Variants in NALF1 observed in about 807,000 individuals in gnomAD.
NALF1 encodes the protein family with sequence similarity 155 member A.
In NALF1, 3 loss-of-function variants were observed where a neutral mutation model predicts 48.4. The ratio of observed to expected loss-of-function variants is 0.06; its 90% CI spans 0.03 to 0.16. NALF1 has a LOEUF of 0.16. NALF1 is among the 10% of genes least tolerant of loss of function. The pLI, the probability that NALF1 is intolerant of heterozygous loss-of-function variation, is 1.00. For synonymous variants in NALF1, 262 were observed against 245.7 expected, an observed-to-expected ratio of 1.07 and a Z score of -0.62; for missense variants, 526 against 571.5, an observed-to-expected ratio of 0.92 and a Z score of 0.81.
chr13:107,491,442 C>T (rs1029348231), intron 1 of NALF1, among the ~76,000 whole-genome samples: 1 of 148,544 alleles, frequency 6.7e-6, no homozygotes, highest in Admixed American at 6.7e-5. Flanking sequence ...TTGGAGAGTT[C>T]GGGCTCCACT....
At chr13:107,201,588 A>G (rs1879521933) in intron 2 of NALF1, among the ~76,000 whole-genome samples, 1 of 152,138 alleles carries the variant, frequency 6.6e-6, no homozygotes, top group Non-Finnish European at 1.5e-5. Flanking sequence ...AAAAAGGAAA[A>G]AAAGAAAGAA....
chr13:107,186,720 A>C (rs141988992), intron 2 of NALF1, among the ~76,000 whole-genome samples: 1 of 152,166 alleles, frequency 6.6e-6, no homozygotes, highest in Non-Finnish European at 1.5e-5. Flanking sequence ...TTAGCATCAC[A>C]ATCTGTATTC....
chr13:107,750,803 C>T (rs770604210), intron 1 of NALF1, among the ~76,000 whole-genome samples: 5 of 152,132 alleles, frequency 3.3e-5, no homozygotes, highest in East Asian at 1.9e-4. Context: ...AACTAATAGA[C>T]GTTAAAGTTG....
intron 1 of NALF1, among the ~76,000 whole-genome samples, chr13:107,846,949 T>C (rs1295634391): frequency 6.6e-6 from 1 of 152,224 alleles, no homozygotes; most frequent in Admixed American, 6.5e-5. Context: ...TCCAAAGATT[T>C]ATTAATTTGC....
intron 1 of NALF1, among the ~76,000 whole-genome samples, chr13:107,683,647 G>T (rs922327133): frequency 6.6e-6 from 1 of 152,128 alleles, no homozygotes; most frequent in African/African-American, 2.4e-5. Context: ...TCCTTTCTTA[G>T]CTGGAAAGTT....
At chr13:107,705,021 C>A (rs1396994096) in intron 1 of NALF1, among the ~76,000 whole-genome samples, 2 of 152,152 alleles carry the variant, frequency 1.3e-5, no homozygotes, top group African/African-American at 4.8e-5. Flanking sequence ...CTTGTCCACA[C>A]GATGTGCCAG....
At chr13:107,250,851 G>C (rs1409722600) in intron 1 of NALF1, among the ~76,000 whole-genome samples, 1 of 152,022 alleles carries the variant, frequency 6.6e-6, no homozygotes, top group Non-Finnish European at 1.5e-5. Context: ...AGTTCTCGCT[G>C]GTTGTTTGAA....
intron 2 of NALF1, among the ~76,000 whole-genome samples, chr13:107,197,843 T>C (rs1879426072): frequency 6.6e-6 from 1 of 152,218 alleles, no homozygotes; most frequent in Non-Finnish European, 1.5e-5. Context: ...TAAAATGTTA[T>C]TCATCCCTTT....
At chr13:107,811,546 T>C (rs578142125) in intron 1 of NALF1, among the ~76,000 whole-genome samples, 7 of 152,214 alleles carry the variant, frequency 4.6e-5, no homozygotes, top group Non-Finnish European at 2.9e-5. Flanking sequence ...ATATTATTAA[T>C]CTTTATGGCC....
intron 1 of NALF1, among the ~76,000 whole-genome samples, chr13:107,419,801 T>G (rs2139007835): frequency 6.6e-6 from 1 of 152,354 alleles, no homozygotes; most frequent in Admixed American, 6.5e-5. Flanking sequence ...ATTGATAAAC[T>G]ATTTCTCTGA....
intron 1 of NALF1, among the ~76,000 whole-genome samples, chr13:107,543,900 T>C (rs1051438864): frequency 1.3e-5 from 2 of 151,976 alleles, no homozygotes; most frequent in African/African-American, 4.8e-5. Flanking sequence ...AGAAATGAAA[T>C]GGTGGAAATA....
chr13:107,227,809 T>C (rs1880135605), intron 1 of NALF1, among the ~76,000 whole-genome samples: 1 of 152,210 alleles, frequency 6.6e-6, no homozygotes, highest in African/African-American at 2.4e-5. Flanking sequence ...TATTTGAGCT[T>C]CAGTTAGTAA....
intron 1 of NALF1, among the ~76,000 whole-genome samples, chr13:107,724,782 T>C (rs1019971542): frequency 6.6e-6 from 1 of 152,158 alleles, no homozygotes; most frequent in African/African-American, 2.4e-5. Context: ...AGTGTCACCA[T>C]GTTGCCCAGG....
intron 1 of NALF1, among the ~76,000 whole-genome samples, chr13:107,563,154 A>C (rs1877695249): frequency 6.6e-6 from 1 of 152,236 alleles, no homozygotes; most frequent in South Asian, 2.1e-4. Context: ...CAGTGAAAAA[A>C]AATGAAGGAG....
chr13:107,423,029 A>G (rs908702385), intron 1 of NALF1, among the ~76,000 whole-genome samples: 5 of 152,216 alleles, frequency 3.3e-5, no homozygotes, highest in African/African-American at 1.2e-4. Flanking sequence ...TCTGGCCTCT[A>G]GAACTGTAAG....
chr13:107,714,627 A>T (rs76022221), intron 1 of NALF1, among the ~76,000 whole-genome samples: 9 of 8,604 alleles, frequency 1.0e-3, no homozygotes, highest in African/African-American at 1.9e-3. Context: ...AGGCTTTATT[A>T]AAAAAAAAAA....
chr13:107,549,470 T>G (rs1877228646), intron 1 of NALF1, among the ~76,000 whole-genome samples: 1 of 152,166 alleles, frequency 6.6e-6, no homozygotes, highest in Non-Finnish European at 1.5e-5. Flanking sequence ...CTCTGAGAAC[T>G]ACATACAAAT....
In NALF1 at chr13:107,827,797, T is replaced by A. The variant is rs141567429; in HGVS notation, c.915+37885A>T. Among the ~76,000 whole-genome samples the A allele has an allele frequency of 3.9e-5, 6 of 152,312 alleles. No individual in the cohort carries two copies. In the East Asian group the frequency reaches 1.2e-3, roughly 29 times the overall value. ...TACATCAAATGTTTCTTTGTCAATG[T>A]AGTACTGAATTGAAAAACAGTGGTA... is the stretch of plus-strand genomic sequence containing the variant. On this transcript the variant is annotated intron_variant, in intron 1 of 2. Transcript: ENST00000375915.
At chr13:107,187,169 G>T (rs1010343790) in intron 2 of NALF1, among the ~76,000 whole-genome samples, 1 of 152,020 alleles carries the variant, frequency 6.6e-6, no homozygotes, top group Non-Finnish European at 1.5e-5. Flanking sequence ...ATAATCCTGG[G>T]TAATCTCTTC....
Sources: gnomAD v4.1 joint callset for allele counts (sites outside exome capture counted in the v4.1 genomes callset) on GRCh38, gnomAD v4.1.1 for gene constraint, MANE v1.5 for transcripts, NCBI Gene and HGNC (gene_info 2026-07-23, HGNC 2026-07-21) for gene names.